The following SPAG6 variants were observed in gnomAD, a reference collection of about 807,000 sequenced individuals.
SPAG6 encodes the protein sperm associated antigen 6, also known as sperm-associated antigen 6.
A neutral mutation model predicts 58.5 loss-of-function variants in SPAG6; 49 were observed. That is an observed-to-expected ratio of 0.84 (90% CI 0.67 to 1.06). The LOEUF is 1.06. Among genes scored for constraint, SPAG6 ranks in the 50% least tolerant of loss-of-function variants. The probability of loss-of-function intolerance (pLI) is 0.00; values close to 1 mark genes in which losing one functional copy is unlikely to be tolerated. For synonymous variants in SPAG6, 233 were observed against 225.6 expected, an observed-to-expected ratio of 1.03 and a Z score of -0.29; for missense variants, 560 against 611.3, an observed-to-expected ratio of 0.92 and a Z score of 0.89.
intron 2 of SPAG6, among the ~76,000 whole-genome samples, chr10:22,351,542 G>A (rs955906927): frequency 2.6e-5 from 4 of 152,206 alleles, no homozygotes; most frequent in Non-Finnish European, 4.4e-5. Flanking sequence ...GTAGAATACA[G>A]TGAAGTGGGA....
chr10:22,366,742 C>G (rs1235859199), intron 3 of SPAG6, among the ~76,000 whole-genome samples: 4 of 152,144 alleles, frequency 2.6e-5, no homozygotes, highest in Non-Finnish European at 2.9e-5. Flanking sequence ...CTTTCTTCCT[C>G]TTGGACTCTT....
At chr10:22,368,711 A>G (rs776363070) in intron 4 of SPAG6, 33 bp downstream of exon 4, 3 of 1,528,072 alleles carry the variant, frequency 2.0e-6, no homozygotes, top group Admixed American at 3.5e-5. Context: ...ATATTTTAAA[A>G]TAGGATTATT....
At chr10:22,412,425 A>G in intron 10 of SPAG6, 3 of 1,412,206 alleles carry the variant, frequency 2.1e-6, no homozygotes, top group Non-Finnish European at 2.9e-6. Flanking sequence ...TTTGTTTTCT[A>G]TCCACATATT....
At chr10:22,411,912 G>T (rs976220852) in intron 10 of SPAG6, among the ~76,000 whole-genome samples, 1 of 135,598 alleles carries the variant, frequency 7.4e-6, no homozygotes, top group African/African-American at 2.8e-5. Flanking sequence ...GCAGTGGCGC[G>T]ATTTCGGCTC....
intron 4 of SPAG6, among the ~76,000 whole-genome samples, chr10:22,383,079 T>A (rs1315227934): frequency 6.6e-6 from 1 of 152,250 alleles, no homozygotes; most frequent in Non-Finnish European, 1.5e-5. Flanking sequence ...TTTGAAGATT[T>A]ACTTAAAATT....
chr10:22,353,423 A>G (rs763706620), intron 2 of SPAG6, among the ~76,000 whole-genome samples: 11 of 152,364 alleles, frequency 7.2e-5, no homozygotes, highest in Non-Finnish European at 1.5e-4. Flanking sequence ...GGGTGATTTT[A>G]GGTGAGGAAA....
chr10:22,346,943 G>A (rs1448791848), intron 2 of SPAG6, among the ~76,000 whole-genome samples: 1 of 152,184 alleles, frequency 6.6e-6, no homozygotes, highest in Non-Finnish European at 1.5e-5. Flanking sequence ...TTCCCCAATG[G>A]TAACATTTTT....
At chr10:22,350,974 C>T (rs12257451) in intron 2 of SPAG6, among the ~76,000 whole-genome samples, 7,325 of 152,298 alleles carry the variant, frequency 0.048, 585 homozygotes, top group African/African-American at 0.17. Flanking sequence ...AACTAGAACT[C>T]ATTTTTAATA....
At chr10:22,349,425 T>G (rs1188896725) in intron 2 of SPAG6, among the ~76,000 whole-genome samples, 1 of 152,232 alleles carries the variant, frequency 6.6e-6, no homozygotes, top group African/African-American at 2.4e-5. Context: ...ATAGTAGAGA[T>G]AATACATTGT....
intron 2 of SPAG6, among the ~76,000 whole-genome samples, chr10:22,358,893 G>A (rs1284693428): frequency 6.6e-6 from 1 of 152,136 alleles, no homozygotes; most frequent in African/African-American, 2.4e-5. Flanking sequence ...TAGAACTTTA[G>A]AAATTTTATC....
At chr10:22,413,278 A>G (rs1009621916) in intron 10 of SPAG6, among the ~76,000 whole-genome samples, 4 of 152,046 alleles carry the variant, frequency 2.6e-5, no homozygotes, top group African/African-American at 9.7e-5. Flanking sequence ...TCATGCCTGT[A>G]ATCTCAGCAC....
intron 9 of SPAG6, among the ~76,000 whole-genome samples, chr10:22,409,086 C>T (rs1588564547): frequency 6.6e-6 from 1 of 152,208 alleles, no homozygotes; most frequent in East Asian, 1.9e-4. Flanking sequence ...CACCCGTCCT[C>T]TTCATGGCTC....
At chr10:22,412,500 C>A in intron 10 of SPAG6, 1 of 1,523,818 alleles carries the variant, frequency 6.6e-7, no homozygotes, top group East Asian at 2.5e-5. Context: ...TATGAGAACT[C>A]CTTGACCAAA....
At chr10:22,394,147 A>G (rs908892504) in intron 8 of SPAG6, among the ~76,000 whole-genome samples, 1 of 152,208 alleles carries the variant, frequency 6.6e-6, no homozygotes, top group Non-Finnish European at 1.5e-5. Flanking sequence ...ACAAGTTCTT[A>G]TGAAATGTAT....
intron 2 of SPAG6, among the ~76,000 whole-genome samples, chr10:22,350,274 C>T (rs1313519115): frequency 6.6e-6 from 1 of 151,802 alleles, no homozygotes; most frequent in Non-Finnish European, 1.5e-5. Context: ...GTATATGCAC[C>T]AAACAATAAG....
At chr10:22,350,568 C>T (rs1020182090) in intron 2 of SPAG6, among the ~76,000 whole-genome samples, 1 of 152,220 alleles carries the variant, frequency 6.6e-6, no homozygotes, top group South Asian at 2.1e-4. Flanking sequence ...TTTAGGTATG[C>T]CATAATCCTA....
intron 3 of SPAG6, among the ~76,000 whole-genome samples, chr10:22,366,139 A>G (rs1023184266): frequency 3.9e-5 from 6 of 152,232 alleles, no homozygotes; most frequent in African/African-American, 1.4e-4. Context: ...CAGCATCCAC[A>G]ATAGCCAAAA....
intron 9 of SPAG6, among the ~76,000 whole-genome samples, chr10:22,406,630 G>T (rs572906405): frequency 9.8e-5 from 15 of 152,322 alleles, no homozygotes; most frequent in African/African-American, 3.1e-4. Context: ...TTGGGGTGGA[G>T]AGTTCTGTAG....
intron 9 of SPAG6, among the ~76,000 whole-genome samples, chr10:22,406,724 G>A (rs1284709240): frequency 6.6e-6 from 1 of 152,096 alleles, no homozygotes; most frequent in Non-Finnish European, 1.5e-5. Flanking sequence ...ATCTGTCTGT[G>A]TTGACAGTGG....
Sources: allele counts gnomAD v4.1 joint callset (sites outside exome capture counted in the v4.1 genomes callset), GRCh38; gene constraint gnomAD v4.1.1; transcripts MANE v1.5; gene names NCBI Gene and HGNC (gene_info 2026-07-23, HGNC 2026-07-21).